The following ADAM9 variants were observed in gnomAD, a reference collection of about 807,000 sequenced individuals.
ADAM9 encodes ADAM metallopeptidase domain 9, also known as disintegrin and metalloproteinase domain-containing protein 9.
In ADAM9, 54 loss-of-function variants were observed where a neutral mutation model predicts 108.1. The observed-to-expected ratio is 0.50, with a 90% CI of 0.40 to 0.63. ADAM9 has a LOEUF of 0.63. ADAM9 is among the 20% of genes least tolerant of loss of function. The probability of loss-of-function intolerance (pLI) is 0.00; values close to 1 mark genes in which losing one functional copy is unlikely to be tolerated. For synonymous variants in ADAM9, 316 were observed against 336.0 expected (o/e 0.94, Z 0.65); for missense variants, 830 against 997.7 (o/e 0.83, Z 2.26).
intron 11 of ADAM9, among the ~76,000 whole-genome samples, chr8:39,027,727 G>A (rs865978444): frequency 2.6e-5 from 4 of 152,078 alleles, no homozygotes; most frequent in Non-Finnish European, 5.9e-5. Context: ...GAATGTAACT[G>A]TAGTTCGTAC....
At chr8:39,024,119 T>C (rs894779942) in intron 9 of ADAM9, among the ~76,000 whole-genome samples, 1 of 152,206 alleles carries the variant, frequency 6.6e-6, no homozygotes, top group Non-Finnish European at 1.5e-5. Flanking sequence ...AGCATTACTA[T>C]TGGGAAGTCT....
chr8:38,999,371 T>TA (rs1835928035), intron 1 of ADAM9, among the ~76,000 whole-genome samples: 2 of 151,872 alleles, frequency 1.3e-5, no homozygotes, highest in African/African-American at 4.8e-5. Flanking sequence ...TGTGTCATTG[T>TA]AAAAAATAAG....
chr8:39,010,198 A>G (rs183418578), intron 2 of ADAM9, among the ~76,000 whole-genome samples: 130 of 152,320 alleles, frequency 8.5e-4, no homozygotes, highest in African/African-American at 3.0e-3. Context: ...GTAAACTATC[A>G]CAAAACAATC....
At chr8:39,060,851 C>T (rs1393215901) in intron 14 of ADAM9, among the ~76,000 whole-genome samples, 1 of 152,214 alleles carries the variant, frequency 6.6e-6, no homozygotes, top group Non-Finnish European at 1.5e-5. Context: ...TATTGCTGGC[C>T]TTGCCAGCTG....
intron 2 of ADAM9, among the ~76,000 whole-genome samples, chr8:39,009,895 TGGGG>T (rs550813895): frequency 2.9e-4 from 24 of 81,828 alleles, no homozygotes; most frequent in Admixed American, 4.7e-4. Context: ...ATTCTAGTGA[TGGGG>T]GGGGGGGGCA....
intron 20 of ADAM9, among the ~76,000 whole-genome samples, chr8:39,096,344 AT>A (rs1839506401): frequency 4.0e-5 from 5 of 126,068 alleles, no homozygotes; most frequent in East Asian, 3.0e-4. Context: ...TAGCACATAT[AT>A]TGTGATATCT....
chr8:39,088,463 T>C (rs1342460040), intron 18 of ADAM9, among the ~76,000 whole-genome samples: 2 of 152,078 alleles, frequency 1.3e-5, no homozygotes, highest in South Asian at 4.1e-4. Flanking sequence ...TTCACCATGT[T>C]AGCCAGGATG....
intron 21 of ADAM9, among the ~76,000 whole-genome samples, chr8:39,102,983 A>G (rs574126001): frequency 3.3e-5 from 5 of 152,372 alleles, no homozygotes; most frequent in South Asian, 2.1e-4. Context: ...AATCTTTATT[A>G]TACAGTAAGA....
chr8:39,054,155 G>A (rs1838040537), intron 12 of ADAM9, among the ~76,000 whole-genome samples: 1 of 152,114 alleles, frequency 6.6e-6, no homozygotes, highest in African/African-American at 2.4e-5. Context: ...TGAACTAGTA[G>A]GAACCTTGAT....
chr8:39,028,749 G>C (rs371044789), intron 11 of ADAM9, among the ~76,000 whole-genome samples: 12 of 152,128 alleles, frequency 7.9e-5, no homozygotes, highest in African/African-American at 2.7e-4. Context: ...GTTTACATCT[G>C]GGGGGAAGAC....
At chr8:39,038,020 T>TC (rs746924107) in intron 11 of ADAM9, among the ~76,000 whole-genome samples, 6 of 152,134 alleles carry the variant, frequency 3.9e-5, no homozygotes, top group East Asian at 3.9e-4. Flanking sequence ...TTCTCTTTTT[T>TC]CTCACTCTTC....
At chr8:39,020,653 T>G (rs540248149) in intron 7 of ADAM9, among the ~76,000 whole-genome samples, 15 of 152,378 alleles carry the variant, frequency 9.8e-5, no homozygotes, top group Middle Eastern at 3.4e-3. Flanking sequence ...AACTAGTGAT[T>G]ATTGGTTAAT....
Position 39,042,003 on chromosome 8 carries a change from T to G in ADAM9, c.1188T>G (p.Asn396Lys). The change falls in exon 12 of 22, where the codon AAT becomes AAG. Residue 396 changes from asparagine (N) to lysine (K), a missense_variant. Around this residue, in one of 3 missense-constraint regions of ADAM9, gnomAD observed 381 missense variants for 539.8 expected, o/e 0.71. Transcript: ENST00000487273. ...SAEDFEKLTL[N>K]KGGNCLLNIP... ...AGGACTTTGAGAAGTTAACTTTAAA[T>G]AAAGGAGGAAACTGCCTTCTTAATA... is the stretch of plus-strand genomic sequence containing the variant. The G allele has an allele frequency of 6.2e-7, 1 of 1,614,110 alleles. No individual in the cohort carries two copies. Among genetic ancestry groups the G allele is most frequent in the Non-Finnish European group, 8.5e-7 (1 of 1,179,946 alleles).
At chr8:39,068,690 A>G (rs1838575694) in intron 14 of ADAM9, among the ~76,000 whole-genome samples, 1 of 81,112 alleles carries the variant, frequency 1.2e-5, no homozygotes, top group South Asian at 4.0e-4. Context: ...AAAAAAAAAA[A>G]AAAAAAAAAA....
At position 39,045,385 on chromosome 8, in the gene ADAM9, G is replaced by GGCGC. The variant is rs1491561676; in HGVS notation, c.1302+3269_1302+3270insCGCG. 1.9e-4 allele frequency among the ~76,000 whole-genome samples: 3 copies of GGCGC among 15,950 alleles called. 1 individual carries two copies. The highest frequency in any genetic ancestry group is 7.2e-4 in the African/African-American group (3 of 4,166). 10.5% of individuals were successfully genotyped at this position (15,950 alleles called of 152,430 possible). On this transcript the variant is annotated intron_variant, in intron 12 of 21. Transcript: ENST00000487273. ...ATAGGTGTGTGTACATACACCTATAGGTGTGTGTACACACACCTATATGTG... is the reference window on the plus strand; with the variant it reads ...ATAGGTGTGTGTACATACACCTATAGGCGCGTGTGTGTACACACACCTATATGTG...
At chr8:39,044,881 T>C (rs1377889537) in intron 12 of ADAM9, among the ~76,000 whole-genome samples, 1 of 139,462 alleles carries the variant, frequency 7.2e-6, no homozygotes, top group East Asian at 2.0e-4. Context: ...CATACATATA[T>C]ATGTATATAT....
chr8:39,047,884 A>T (rs1837823600), intron 12 of ADAM9, among the ~76,000 whole-genome samples: 2 of 141,512 alleles, frequency 1.4e-5, no homozygotes, highest in African/African-American at 2.6e-5. Flanking sequence ...TGTTTATTTG[A>T]GTTTTTTTTT....
intron 1 of ADAM9, among the ~76,000 whole-genome samples, chr8:39,000,105 A>G (rs929220247): frequency 7.9e-5 from 12 of 151,810 alleles, no homozygotes; most frequent in African/African-American, 2.9e-4. Flanking sequence ...GCCCACTGCA[A>G]CCTTCACCTC....
chr8:39,082,195 AT>A, intron 16 of ADAM9, among the ~76,000 whole-genome samples: 1 of 152,290 alleles, frequency 6.6e-6, no homozygotes, highest in African/African-American at 2.4e-5. Flanking sequence ...AAAAATTAAA[AT>A]GAGTTTTAAA....
Sources: gnomAD v4.1 joint callset for allele counts (sites outside exome capture counted in the v4.1 genomes callset) on GRCh38, gnomAD v4.1.1 for gene constraint, gnomAD v4.1.1 regional missense constraint, MANE v1.5 for transcripts, NCBI Gene and HGNC (gene_info 2026-07-23, HGNC 2026-07-21) for gene names.